The following RNF150 variants were observed in gnomAD, a reference collection of about 807,000 sequenced individuals.
RNF150 encodes ring finger protein 150.
RNF150 carries 24 observed loss-of-function variants against 39.3 expected under a neutral mutation model. The observed-to-expected ratio is 0.61, with a 90% CI of 0.44 to 0.86. The LOEUF is 0.86. RNF150 is among the 40% of genes least tolerant of loss of function. The pLI is 0.00. For synonymous variants in RNF150, 255 were observed against 227.3 expected (o/e 1.12, Z -1.10); for missense variants, 502 against 587.8 (o/e 0.85, Z 1.51).
In RNF150 at chr4:141,006,064, G is replaced by A. The variant is rs1373868821; in HGVS notation, c.485-38191C>T. Among the ~76,000 whole-genome samples, 30 of 119,646 alleles carry A rather than the reference G, an allele frequency of 2.5e-4. 1 individual carries two copies. In the East Asian group the frequency reaches 4.8e-3, roughly 19 times the overall value. The allele number at this position is 119,646 out of a possible 152,430, so 78.5% of individuals were successfully genotyped here. On this transcript the variant is annotated intron_variant, in intron 1 of 6. Coordinates refer to ENST00000515673, the MANE Select transcript of RNF150 (RefSeq NM_020724.2). ...AGCCTGGGCGACAGAGCGAGACTCC[G>A]TCTCAAAAAAAAAAAAAAAAGACAT...
intron 1 of RNF150, among the ~76,000 whole-genome samples, chr4:141,166,328 A>C (rs192014600): frequency 0.063 from 9,579 of 152,296 alleles, 979 homozygotes; most frequent in African/African-American, 0.22. Context: ...AACCAAAAAA[A>C]TCCCAGGACC....
intron 1 of RNF150, among the ~76,000 whole-genome samples, chr4:141,019,411 T>C (rs1735401846): frequency 6.6e-6 from 1 of 152,132 alleles, no homozygotes; most frequent in African/African-American, 2.4e-5. Context: ...TGTCATTCTT[T>C]GTAAGAGTCT....
At chr4:141,099,504 T>C (rs2111032029) in intron 1 of RNF150, among the ~76,000 whole-genome samples, 1 of 152,288 alleles carries the variant, frequency 6.6e-6, no homozygotes, top group South Asian at 2.1e-4. Flanking sequence ...AAGAAACTTC[T>C]GGTGACTAAT....
intron 4 of RNF150, among the ~76,000 whole-genome samples, chr4:140,941,430 A>C (rs908092438): frequency 5.3e-5 from 8 of 152,212 alleles, no homozygotes; most frequent in Non-Finnish European, 8.8e-5. Flanking sequence ...GAAATAGTGC[A>C]TGTTTTTAGT....
chr4:141,188,160 C>T (rs183306517), intron 1 of RNF150, among the ~76,000 whole-genome samples: 48 of 152,254 alleles, frequency 3.2e-4, no homozygotes, highest in Admixed American at 1.4e-3. Flanking sequence ...TCTTTAAGAA[C>T]GTTGAATATT....
intron 1 of RNF150, among the ~76,000 whole-genome samples, chr4:141,064,588 T>G (rs989544861): frequency 7.4e-5 from 11 of 148,362 alleles, no homozygotes; most frequent in Non-Finnish European, 1.6e-4. Flanking sequence ...CACTCCAGCC[T>G]GGACAGCACA....
intron 1 of RNF150, among the ~76,000 whole-genome samples, chr4:141,003,317 G>A (rs1265966736): frequency 6.6e-6 from 1 of 152,090 alleles, no homozygotes; most frequent in East Asian, 1.9e-4. Flanking sequence ...ATACACAGGA[G>A]ACTAACTTAG....
At chr4:141,013,620 G>A (rs564634327) in intron 1 of RNF150, among the ~76,000 whole-genome samples, 8 of 152,110 alleles carry the variant, frequency 5.3e-5, no homozygotes, top group African/African-American at 1.9e-4. Context: ...GGAAGTTTTT[G>A]TTTTTTTCCA....
At chr4:141,029,677 T>C (rs1374898627) in intron 1 of RNF150, among the ~76,000 whole-genome samples, 2 of 152,170 alleles carry the variant, frequency 1.3e-5, no homozygotes, top group African/African-American at 4.8e-5. Context: ...GGAATTCCTT[T>C]ACAAATTATG....
intron 1 of RNF150, among the ~76,000 whole-genome samples, chr4:141,047,248 T>A (rs1736615082): frequency 6.6e-6 from 1 of 152,178 alleles, no homozygotes; most frequent in East Asian, 1.9e-4. Context: ...TTTTTACATA[T>A]GTTAAAACGC....
At chr4:141,183,641 C>T (rs1296663025) in intron 1 of RNF150, among the ~76,000 whole-genome samples, 1 of 152,008 alleles carries the variant, frequency 6.6e-6, no homozygotes, top group African/African-American at 2.4e-5. Context: ...GCCCCACATG[C>T]ATTAGGTATT....
intron 1 of RNF150, among the ~76,000 whole-genome samples, chr4:141,076,315 CT>C (rs1737894399): frequency 6.6e-6 from 1 of 152,234 alleles, no homozygotes; most frequent in East Asian, 1.9e-4. Flanking sequence ...AATTAAATTG[CT>C]TTTTAAAAAA....
In RNF150 at chr4:140,897,347, G is replaced by A. The variant is rs187757049; in HGVS notation, c.1198+13797C>T. On this transcript the variant is annotated intron_variant, in intron 6 of 6. Coordinates refer to ENST00000515673, the MANE Select transcript of RNF150 (RefSeq NM_020724.2). ...TCTGGGGTTGCTGGGCATACGTTTTGAAACTCTGGCTTTAGAACGAATTGC... is the reference window on the plus strand; with the variant it reads ...TCTGGGGTTGCTGGGCATACGTTTTAAAACTCTGGCTTTAGAACGAATTGC... 5.7e-4 allele frequency among the ~76,000 whole-genome samples: 87 copies of A among 152,278 alleles called. 1 individual carries two copies. Among genetic ancestry groups the A allele is most frequent in the Admixed American group, 4.4e-3 (68 of 15,286 alleles).
chr4:140,939,907 A>ATC (rs954625151), intron 4 of RNF150, among the ~76,000 whole-genome samples: 1 of 152,154 alleles, frequency 6.6e-6, no homozygotes, highest in Non-Finnish European at 1.5e-5. Context: ...GAATATGTCT[A>ATC]TCTCTCTATG....
intron 1 of RNF150, among the ~76,000 whole-genome samples, chr4:141,043,907 T>C (rs1410113748): frequency 2.6e-5 from 4 of 152,192 alleles, no homozygotes; most frequent in African/African-American, 7.2e-5. Context: ...ACCAGTGTTA[T>C]GGTTATCTGG....
chr4:141,093,256 C>T lies in RNF150; in HGVS notation c.484+39069G>A, dbSNP rs1218674184. On this transcript the variant is annotated intron_variant, in intron 1 of 6. Coordinates refer to ENST00000515673, the MANE Select transcript of RNF150 (RefSeq NM_020724.2). The stretch of plus-strand genomic sequence containing the variant: ...TGGCAGGCGCCTGTAGTCCCAGCTG[C>T]TTGGGAGGCTGAGGCAGGAGAATGG... Among the ~76,000 whole-genome samples the T allele has an allele frequency of 2.6e-5, 4 of 151,510 alleles. 1 individual carries two copies. Among genetic ancestry groups the T allele is most frequent in the African/African-American group, 7.3e-5 (3 of 41,186 alleles).
intron 1 of RNF150, among the ~76,000 whole-genome samples, chr4:141,142,039 G>A (rs1727125423): frequency 6.6e-6 from 1 of 152,052 alleles, no homozygotes; most frequent in Non-Finnish European, 1.5e-5. Flanking sequence ...GCAGCTGTAG[G>A]AATGCTACTG....
intron 6 of RNF150, among the ~76,000 whole-genome samples, chr4:140,895,019 C>G (rs1729888776): frequency 6.6e-6 from 1 of 152,114 alleles, no homozygotes; most frequent in Non-Finnish European, 1.5e-5. Flanking sequence ...ATCTGCAAGC[C>G]TGGCAAAAAG....
chr4:141,116,605 A>T (rs1461235336), intron 1 of RNF150, among the ~76,000 whole-genome samples: 3 of 152,376 alleles, frequency 2.0e-5, no homozygotes, highest in African/African-American at 7.2e-5. Flanking sequence ...ATCTAGAACC[A>T]GAAATACCAT....
Sources: allele counts gnomAD v4.1 joint callset (sites outside exome capture counted in the v4.1 genomes callset), GRCh38; gene constraint gnomAD v4.1.1; transcripts MANE v1.5; gene names NCBI Gene and HGNC (gene_info 2026-07-23, HGNC 2026-07-21).